The following CCL17 variants were observed in gnomAD, a reference collection of about 807,000 sequenced individuals.
The protein encoded by CCL17 is C-C motif chemokine 17.
CCL17 carries 8 observed loss-of-function variants against 7.4 expected under a neutral mutation model. The ratio of observed to expected loss-of-function variants is 1.09; its 90% CI spans 0.64 to 1.96. CCL17 has a LOEUF of 1.96. Ranked by LOEUF, CCL17 falls within the 30% of genes most tolerant of loss-of-function variation. The pLI, the probability that CCL17 is intolerant of heterozygous loss-of-function variation, is 0.00. For synonymous variants in CCL17, 40 were observed against 46.1 expected, an observed-to-expected ratio of 0.87 and a Z score of 0.54; for missense variants, 102 against 113.0, an observed-to-expected ratio of 0.90 and a Z score of 0.44.
chr16:57,405,903 A>G (rs1440007684), intron 1 of CCL17, among the ~76,000 whole-genome samples: 6 of 150,632 alleles, frequency 4.0e-5, no homozygotes, highest in East Asian at 1.9e-4. Flanking sequence ...TTAGCCGGGC[A>G]TGGTGGCGGG....
At chr16:57,408,081 A>G (rs1371459263) in intron 1 of CCL17, among the ~76,000 whole-genome samples, 2 of 150,788 alleles carry the variant, frequency 1.3e-5, no homozygotes, top group African/African-American at 2.5e-5. Flanking sequence ...CCATCCATCC[A>G]TCTACCCATC....
intron 1 of CCL17, among the ~76,000 whole-genome samples, chr16:57,410,417 C>G (rs1427448514): frequency 3.9e-5 from 6 of 152,142 alleles, no homozygotes; most frequent in South Asian, 4.1e-4. Flanking sequence ...TCCAATTACC[C>G]TTCACACTCT....
upstream of CCL17, among the ~76,000 whole-genome samples, chr16:57,403,555 AT>A (rs1902643766): frequency 2.3e-5 from 1 of 43,094 alleles, no homozygotes; most frequent in Non-Finnish European, 3.8e-5. Flanking sequence ...TATATTTTAT[AT>A]ATATATAATA....
In CCL17 at chr16:57,413,968, C is replaced by T. The variant is rs374262206; in HGVS notation, c.36C>T (p.Leu12=). 1.9e-5 allele frequency: 31 copies of T among 1,611,286 alleles called. No homozygotes were observed. The highest frequency in any genetic ancestry group is 1.5e-4 in the Admixed American group (9 of 59,694). ...TGAAGATGCTGGCCCTGGTCACCCT[C>T]CTCCTGGGGGCTTCTCTGCAGCACA... The part of the protein sequence containing the change: ...APLKMLALVT[L]LLGASLQHIH... The change falls in exon 2 of 4, where the codon CTC becomes CTT. Residue 12 remains leucine, a synonymous_variant. Transcript: ENST00000219244.
At chr16:57,398,092 A>C in the CCL17 span, among the ~76,000 whole-genome samples, 1 of 152,212 alleles carries the variant, frequency 6.6e-6, no homozygotes, top group African/African-American at 2.4e-5. Flanking sequence ...CCGGTCCCTC[A>C]AGGAGTAGCA....
At chr16:57,412,854 G>T (rs1281168081) in intron 1 of CCL17, among the ~76,000 whole-genome samples, 6 of 152,186 alleles carry the variant, frequency 3.9e-5, no homozygotes, top group Non-Finnish European at 5.9e-5. Context: ...GGACTGACCC[G>T]CATGCAGTGA....
chr16:57,400,990 C>T (rs1902583718), upstream of CCL17, among the ~76,000 whole-genome samples: 1 of 151,558 alleles, frequency 6.6e-6, no homozygotes, highest in African/African-American at 2.4e-5. Flanking sequence ...AAGAAACTTA[C>T]CCAAAGCCAC....
chr16:57,413,958 T>C lies in CCL17; in HGVS notation c.26T>C (p.Leu9Pro). ...ATGGCCCCACTGAAGATGCTGGCCC[T>C]GGTCACCCTCCTCCTGGGGGCTTCT... MAPLKMLA[L>P]VTLLLGASLQ... The change falls in exon 2 of 4, where the codon CTG becomes CCG. Residue 9 changes from leucine (L) to proline (P), a missense_variant. By Grantham distance (98) the Leu-to-Pro change is moderately conservative. Coordinates refer to ENST00000219244, the MANE Select transcript of CCL17 (RefSeq NM_002987.3). 1 of 1,610,638 alleles carries C rather than the reference T, an allele frequency of 6.2e-7. No homozygotes were observed.
chr16:57,410,223 C>T (rs74359883), intron 1 of CCL17, among the ~76,000 whole-genome samples: 127 of 152,318 alleles, frequency 8.3e-4, no homozygotes, highest in Admixed American at 1.5e-3. Context: ...CAGGAACCTT[C>T]CTTCCCTGTC....
intron 1 of CCL17, among the ~76,000 whole-genome samples, chr16:57,405,785 G>T (rs559176359): frequency 4.6e-5 from 7 of 151,944 alleles, no homozygotes; most frequent in African/African-American, 1.5e-4. Context: ...TGTAATCCCA[G>T]CACTTTGGGA....
chr16:57,408,340 C>A (rs1458332351), intron 1 of CCL17, among the ~76,000 whole-genome samples: 1 of 152,144 alleles, frequency 6.6e-6, no homozygotes, highest in African/African-American at 2.4e-5. Flanking sequence ...ACTCATTTAC[C>A]CATCCATATC....
At chr16:57,414,962 C>T (rs532315762) in intron 2 of CCL17, 119 bp from the exon 3 acceptor site, 23 of 725,218 alleles carry the variant, frequency 3.2e-5, no homozygotes, top group Middle Eastern at 3.4e-4. Context: ...ATGCAGTCAT[C>T]ACACACAGAT....
intron 1 of CCL17, among the ~76,000 whole-genome samples, chr16:57,410,422 C>T (rs1902765567): frequency 6.6e-6 from 1 of 152,174 alleles, no homozygotes; most frequent in African/African-American, 2.4e-5. Flanking sequence ...TTACCCTTCA[C>T]ACTCTCCTAA....
At chr16:57,406,231 T>C (rs894014889) in intron 1 of CCL17, among the ~76,000 whole-genome samples, 1 of 152,192 alleles carries the variant, frequency 6.6e-6, no homozygotes, top group African/African-American at 2.4e-5. Flanking sequence ...CTTGCTCTTT[T>C]GCCCAGGCTG....
chr16:57,401,878 T>G (rs1158800016), upstream of CCL17, among the ~76,000 whole-genome samples: 3 of 152,150 alleles, frequency 2.0e-5, no homozygotes, highest in African/African-American at 7.2e-5. Flanking sequence ...ACACCCTTGC[T>G]GGGTTTCCAC....
At chr16:57,414,070 C>A in intron 2 of CCL17, 68 bp downstream of exon 2, 2 of 1,261,978 alleles carry the variant, frequency 1.6e-6, no homozygotes, top group Non-Finnish European at 2.3e-6. Flanking sequence ...ATGAAGACCA[C>A]CACAGCAATA....
At chr16:57,405,414 G>C (rs1281894164) in intron 1 of CCL17, among the ~76,000 whole-genome samples, 4 of 152,214 alleles carry the variant, frequency 2.6e-5, no homozygotes, top group Non-Finnish European at 2.9e-5. Context: ...ATGGAGGCGA[G>C]GAATGAGTCA....
chr16:57,397,880 G>A, the CCL17 span, among the ~76,000 whole-genome samples: 1 of 152,150 alleles, frequency 6.6e-6, no homozygotes, highest in Non-Finnish European at 1.5e-5. Flanking sequence ...GGCATAACCT[G>A]CCCTTTGTAT....
rs149709463 is a variant in CCL17, at chr16:57,415,798, G to C, written c.222G>C (p.Ser74=). The C allele has an allele frequency of 1.2e-5, 19 of 1,613,382 alleles. No individual in the cohort carries two copies. In the African/African-American group the frequency reaches 2.3e-4, roughly 19 times the overall value. ...FVTVQGRAIC[S]DPNNKRVKNA... is the part of the protein sequence containing the mutation. ...CTGTGCAGGGCAGGGCCATCTGTTC[G>C]GACCCCAACAACAAGAGAGTGAAGA... Residue 74 remains serine, a synonymous_variant, in exon 4 of 4, where the codon TCG becomes TCC. Coordinates refer to ENST00000219244, the MANE Select transcript of CCL17 (RefSeq NM_002987.3). This position sits in a 1 kb window ranked among gnomAD's most constrained non-coding sequence, Gnocchi z 4.5.
Sources: gnomAD v4.1 joint callset for allele counts (sites outside exome capture counted in the v4.1 genomes callset) on GRCh38, gnomAD v4.1.1 for gene constraint, Gnocchi (gnomAD v3.1) non-coding constraint, MANE v1.5 for transcripts, NCBI Gene and HGNC (gene_info 2026-07-23, HGNC 2026-07-21) for gene names.